USP31: variants seen among roughly 807,000 people sequenced by gnomAD.
USP31 encodes the protein ubiquitin specific peptidase 31.
In USP31, 44 loss-of-function variants were observed where a neutral mutation model predicts 119.4. The ratio of observed to expected loss-of-function variants is 0.37; its 90% CI spans 0.29 to 0.47. USP31 has a LOEUF of 0.47. Among genes scored for constraint, USP31 ranks in the 20% least tolerant of loss-of-function variants. The pLI is 0.99. For synonymous variants in USP31, 749 were observed against 705.6 expected, an observed-to-expected ratio of 1.06 and a Z score of -0.97; for missense variants, 1,643 against 1,730.2, an observed-to-expected ratio of 0.95 and a Z score of 0.89.
intron 1 of USP31, among the ~76,000 whole-genome samples, chr16:23,126,307 G>A (rs1468144753): frequency 7.1e-6 from 1 of 140,860 alleles, no homozygotes; most frequent in Non-Finnish European, 1.5e-5. Context: ...GGTACAGAGC[G>A]ACCCTGTCTC....
chr16:23,111,737 GA>G (rs1046660332), intron 1 of USP31, among the ~76,000 whole-genome samples: 1 of 151,960 alleles, frequency 6.6e-6, no homozygotes, highest in African/African-American at 2.4e-5. Context: ...AGAAGCCCAA[GA>G]AAAAAACCAT....
intron 1 of USP31, among the ~76,000 whole-genome samples, chr16:23,145,064 C>A (rs115431274): frequency 0.043 from 6,606 of 152,182 alleles, 221 homozygotes; most frequent in African/African-American, 0.087. Flanking sequence ...ATGGTGCAGC[C>A]AGCCACTAAA....
chr16:23,119,839 G>A (rs1030799287), intron 1 of USP31, among the ~76,000 whole-genome samples: 2 of 152,172 alleles, frequency 1.3e-5, no homozygotes, highest in Non-Finnish European at 1.5e-5. Context: ...AAACACACCA[G>A]AGACAAAGAT....
At chr16:23,107,369 C>T (rs1439113381) in intron 2 of USP31, among the ~76,000 whole-genome samples, 1 of 152,056 alleles carries the variant, frequency 6.6e-6, no homozygotes, top group East Asian at 1.9e-4. Flanking sequence ...GTCAGCCACA[C>T]GCATATAGTC....
At position 23,106,314 on chromosome 16, in the gene USP31, C is replaced by T; in HGVS notation, c.861-9G>A. The T allele has an allele frequency of 6.2e-7, 1 of 1,613,482 alleles. No individual in the cohort carries two copies. The highest frequency in any genetic ancestry group is 2.2e-5 in the East Asian group (1 of 44,872). ...GACACGTCAAAGAAGATCTTCAAAA[C>T]AAAAAGGTAAGACGCTTGACATTAA... On this transcript the variant is annotated splice_polypyrimidine_tract_variant and intron_variant, in intron 3 of 15. Transcript: ENST00000219689.
chr16:23,079,859 G>T, intron 13 of USP31, 87 bp downstream of exon 13: 2 of 1,272,896 alleles, frequency 1.6e-6, no homozygotes, highest in Non-Finnish European at 2.1e-6. Flanking sequence ...GAGGGGAAAT[G>T]AGGCTCTAAA....
chr16:23,076,789 C>A (rs1160351981), intron 13 of USP31, among the ~76,000 whole-genome samples: 1 of 152,204 alleles, frequency 6.6e-6, no homozygotes. Flanking sequence ...AAAACACATT[C>A]TTTACCAAAG....
intron 12 of USP31, among the ~76,000 whole-genome samples, chr16:23,080,832 G>A (rs1900787597): frequency 6.6e-6 from 1 of 152,182 alleles, no homozygotes; most frequent in South Asian, 2.1e-4. Flanking sequence ...GGTCTGTGAA[G>A]GGAAGAAAAA....
At chr16:23,145,771 C>G (rs960425331) in intron 1 of USP31, among the ~76,000 whole-genome samples, 5 of 152,222 alleles carry the variant, frequency 3.3e-5, no homozygotes, top group Non-Finnish European at 5.9e-5. Flanking sequence ...TCCGGAATCA[C>G]TGTGTGTGCC....
chr16:23,081,291 C>G (rs146858393), intron 12 of USP31, among the ~76,000 whole-genome samples: 2 of 152,314 alleles, frequency 1.3e-5, no homozygotes, highest in African/African-American at 4.8e-5. Flanking sequence ...AGGCTGGGAT[C>G]CAAACCCTCA....
chr16:23,072,453 T>TTA, intron 14 of USP31: 1 of 601,044 alleles, frequency 1.7e-6, no homozygotes, highest in Middle Eastern at 4.4e-4. Context: ...GATGAATACT[T>TTA]TATAATGTAA....
intron 1 of USP31, among the ~76,000 whole-genome samples, chr16:23,128,081 G>A (rs1483217988): frequency 6.6e-6 from 1 of 152,048 alleles, no homozygotes; most frequent in Admixed American, 6.6e-5. Context: ...GACCAATGAG[G>A]GTCAATAAAA....
chr16:23,132,415 A>C (rs1048051651), intron 1 of USP31, among the ~76,000 whole-genome samples: 3 of 152,084 alleles, frequency 2.0e-5, no homozygotes, highest in Non-Finnish European at 2.9e-5. Context: ...GACTACACAA[A>C]CAGAGAACAC....
intron 7 of USP31, among the ~76,000 whole-genome samples, chr16:23,090,372 C>A (rs960205471): frequency 6.6e-6 from 1 of 151,972 alleles, no homozygotes; most frequent in Non-Finnish European, 1.5e-5. Flanking sequence ...GGCAACACAG[C>A]GAGACTCCAT....
chr16:23,113,298 G>A (rs185803652), intron 1 of USP31, among the ~76,000 whole-genome samples: 2 of 152,242 alleles, frequency 1.3e-5, no homozygotes, highest in African/African-American at 2.4e-5. Flanking sequence ...AAAGAGATCC[G>A]AGCTGGAAAT....
intron 1 of USP31, among the ~76,000 whole-genome samples, chr16:23,113,281 G>A (rs1040454341): frequency 6.6e-6 from 1 of 152,206 alleles, no homozygotes; most frequent in Admixed American, 6.5e-5. Flanking sequence ...TAAATCTGGT[G>A]CTCAGGAAAG....
intron 1 of USP31, among the ~76,000 whole-genome samples, chr16:23,111,960 A>G (rs1271433970): frequency 2.0e-5 from 3 of 152,248 alleles, no homozygotes; most frequent in Non-Finnish European, 4.4e-5. Flanking sequence ...TCTGATGATC[A>G]GTTTGATCTG....
At position 23,063,870 on chromosome 16, in the gene USP31, A is replaced by C. The variant is rs1244242836; in HGVS notation, c.*4176T>G. The C allele has an allele frequency of 6.6e-6, 1 of 152,216 alleles. No homozygotes were observed. 9.4% of individuals were successfully genotyped at this position (152,216 alleles called of 1,614,324 possible). ...CTTGGGGAAAAAAATGGTCATGCTC[A>C]AAATGCATCTGCAAAATACTTTGAA... is the stretch of plus-strand genomic sequence containing the variant. On this transcript the variant is annotated 3_prime_UTR_variant, in exon 16 of 16. Transcript: ENST00000219689.
At chr16:23,083,893 T>C (rs544747857) in intron 11 of USP31, among the ~76,000 whole-genome samples, 4 of 152,290 alleles carry the variant, frequency 2.6e-5, no homozygotes, top group African/African-American at 9.6e-5. Flanking sequence ...AGAACAACTG[T>C]TGGCTATAGT....
Sources: gnomAD v4.1 joint callset for allele counts (sites outside exome capture counted in the v4.1 genomes callset) on GRCh38, gnomAD v4.1.1 for gene constraint, MANE v1.5 for transcripts, NCBI Gene and HGNC (gene_info 2026-07-23, HGNC 2026-07-21) for gene names.